SDK1: variants seen among roughly 807,000 people sequenced by gnomAD.
SDK1 encodes the protein protein sidekick-1.
A neutral mutation model predicts 245.5 loss-of-function variants in SDK1; 157 were observed. That is an observed-to-expected ratio of 0.64 (90% CI 0.56 to 0.73). The LOEUF is 0.73. Among genes scored for constraint, SDK1 ranks in the 30% least tolerant of loss-of-function variants. The probability of loss-of-function intolerance (pLI) is 0.00; values close to 1 mark genes in which losing one functional copy is unlikely to be tolerated. For missense variants in SDK1, 3,583 were observed against 3,002.3 expected (o/e 1.19, Z -4.52); for synonymous variants, 1,647 against 1,278.5 (o/e 1.29, Z -6.15).
chr7:3,570,223 G>A (rs1396146135), intron 1 of SDK1, among the ~76,000 whole-genome samples: 1 of 152,122 alleles, frequency 6.6e-6, no homozygotes, highest in Non-Finnish European at 1.5e-5. Context: ...ACAGCCCAGT[G>A]GGCAGGGAGG....
At chr7:3,436,312 C>A (rs534458892) in intron 1 of SDK1, among the ~76,000 whole-genome samples, 1 of 151,800 alleles carries the variant, frequency 6.6e-6, no homozygotes, top group Non-Finnish European at 1.5e-5. Flanking sequence ...GGGATGATTA[C>A]GAAATAATTG....
At chr7:4,260,967 C>G (rs199514241) in intron 44 of SDK1, among the ~76,000 whole-genome samples, 1 of 152,236 alleles carries the variant, frequency 6.6e-6, no homozygotes, top group Non-Finnish European at 1.5e-5. Flanking sequence ...ATGGATTCAG[C>G]TGTTCTGTGT....
intron 1 of SDK1, among the ~76,000 whole-genome samples, chr7:3,406,598 A>T (rs1172684825): frequency 6.6e-6 from 1 of 152,180 alleles, no homozygotes; most frequent in African/African-American, 2.4e-5. Flanking sequence ...GTGAAACATC[A>T]TACTGAAAAC....
Position 3,723,580 on chromosome 7 carries a change from A to C in SDK1, c.713+81475A>C, listed in dbSNP as rs139887273. On this transcript the variant is annotated intron_variant, in intron 4 of 44. Coordinates refer to ENST00000404826, the MANE Select transcript of SDK1 (RefSeq NM_152744.4). ...ATGAACTTTCCATTATAAAACCTGAAATTAAAGTATATGTTGTTTTCTTTA... is the reference window on the plus strand; with the variant it reads ...ATGAACTTTCCATTATAAAACCTGACATTAAAGTATATGTTGTTTTCTTTA... 3.2e-3 allele frequency among the ~76,000 whole-genome samples: 494 copies of C among 152,148 alleles called. 4 individuals are homozygous for C. Among genetic ancestry groups the C allele is most frequent in the African/African-American group, 0.011 (471 of 41,446 alleles).
At chr7:3,940,230 T>C (rs1780306686) in intron 5 of SDK1, among the ~76,000 whole-genome samples, 1 of 152,218 alleles carries the variant, frequency 6.6e-6, no homozygotes, top group African/African-American at 2.4e-5. Flanking sequence ...GAAACTGACC[T>C]ACAGAACTGA....
chr7:4,009,716 A>T (rs1470816681), intron 14 of SDK1, among the ~76,000 whole-genome samples: 1 of 152,254 alleles, frequency 6.6e-6, no homozygotes. Context: ...GCTTCAGAGC[A>T]GCTTAACTTT....
intron 1 of SDK1, among the ~76,000 whole-genome samples, chr7:3,342,039 A>G (rs1359493872): frequency 6.6e-6 from 1 of 152,228 alleles, no homozygotes; most frequent in African/African-American, 2.4e-5. Flanking sequence ...CCTTATAGTG[A>G]TAGTAATCAA....
chr7:4,092,284 G>A (rs1781856032), intron 22 of SDK1, among the ~76,000 whole-genome samples: 1 of 152,180 alleles, frequency 6.6e-6, no homozygotes, highest in African/African-American at 2.4e-5. Flanking sequence ...CTGTGGCTCT[G>A]TCCCAGCCTC....
rs573038833 is a variant in SDK1, at chr7:3,523,510, G to A, written c.299-95570G>A. Among the ~76,000 whole-genome samples the A allele has an allele frequency of 2.0e-5, 3 of 152,204 alleles. 1 individual carries two copies. The highest frequency in any genetic ancestry group is 2.1e-4 in the South Asian group (1 of 4,812). Reference sequence around the variant, plus strand: ...TTCTACCCCTCTCTGCCTGGTGAACGGCTGCTAATCTTTCAATGTTAGCTA... The same window carrying A: ...TTCTACCCCTCTCTGCCTGGTGAACAGCTGCTAATCTTTCAATGTTAGCTA... On this transcript the variant is annotated intron_variant, in intron 1 of 44. Coordinates refer to ENST00000404826, the MANE Select transcript of SDK1 (RefSeq NM_152744.4).
Position 4,021,953 on chromosome 7 carries a change from C to A in SDK1, c.2602+4601C>A, listed in dbSNP as rs972745892. Among the ~76,000 whole-genome samples the A allele has an allele frequency of 3.9e-5, 6 of 152,298 alleles. No homozygotes were observed. In the East Asian group the frequency reaches 7.7e-4, roughly 20 times the overall value. On this transcript the variant is annotated intron_variant, in intron 17 of 44. Transcript: ENST00000404826. ...TTCAGGCCATGACTTCCCACCCATC[C>A]CCTGAGGGCTCCTCAGCCTCAGGCC...
intron 4 of SDK1, chr7:3,643,520 A>C (rs1782720513): frequency 6.8e-6 from 1 of 146,532 alleles, no homozygotes; most frequent in African/African-American, 2.6e-5. Flanking sequence ...TCCTTCCGTA[A>C]ACCTCGTGAT....
At position 3,319,873 on chromosome 7, in the gene SDK1, T is replaced by G. The variant is rs375805953; in HGVS notation, c.298+17989T>G. ...CCATTTGCCTATATCTAACCCATTC[T>G]TAGTCTTTTTTTTTTTTTTTTTGCA... On this transcript the variant is annotated intron_variant, in intron 1 of 44. Coordinates refer to ENST00000404826, the MANE Select transcript of SDK1 (RefSeq NM_152744.4). Among the ~76,000 whole-genome samples the G allele has an allele frequency of 2.1e-3, 291 of 140,098 alleles. 4 individuals are homozygous for G. Among genetic ancestry groups the G allele is most frequent in the African/African-American group, 8.1e-3 (280 of 34,770 alleles). The allele number at this position is 140,098 out of a possible 152,430, so 91.9% of individuals were successfully genotyped here. A position where few individuals can be genotyped will look rare whatever the true frequency, so the allele number is the denominator to read the frequency against.
rs187907555 is a variant in SDK1, at chr7:3,632,585, C to G, written c.459-6419C>G. Reference sequence around the variant, plus strand: ...CCCACACAGGGACCTGTTTATTGCCCTTCTCAAGTTAATATGAATTTTGAA... The same window carrying G: ...CCCACACAGGGACCTGTTTATTGCCGTTCTCAAGTTAATATGAATTTTGAA... On this transcript the variant is annotated intron_variant, in intron 2 of 44. Coordinates refer to ENST00000404826, the MANE Select transcript of SDK1 (RefSeq NM_152744.4). Among the ~76,000 whole-genome samples the G allele has an allele frequency of 1.3e-4, 20 of 152,284 alleles. No homozygotes were observed. In the East Asian group the frequency reaches 1.5e-3, roughly 12 times the overall value.
intron 1 of SDK1, among the ~76,000 whole-genome samples, chr7:3,462,723 C>A (rs1340739793): frequency 1.3e-5 from 2 of 152,136 alleles, no homozygotes; most frequent in African/African-American, 2.4e-5. Context: ...TCAAACACCT[C>A]TGTGATCTCT....
intron 1 of SDK1, among the ~76,000 whole-genome samples, chr7:3,433,359 G>T (rs1314563068): frequency 6.6e-6 from 1 of 152,176 alleles, no homozygotes; most frequent in Non-Finnish European, 1.5e-5. Flanking sequence ...TTGAGAGGAG[G>T]GGTTGAAGTT....
chr7:3,834,812 G>A (rs1779994247), intron 5 of SDK1, among the ~76,000 whole-genome samples: 1 of 152,098 alleles, frequency 6.6e-6, no homozygotes, highest in African/African-American at 2.4e-5. Flanking sequence ...GTAAATACTT[G>A]TCCAGTGAGT....
chr7:3,374,606 T>G (rs1051525123), intron 1 of SDK1, among the ~76,000 whole-genome samples: 1 of 152,048 alleles, frequency 6.6e-6, no homozygotes, highest in African/African-American at 2.4e-5. Context: ...TTTTTTCCAG[T>G]GCTTTGAATA....
At chr7:3,458,648 A>C (rs1170097958) in intron 1 of SDK1, among the ~76,000 whole-genome samples, 1 of 152,128 alleles carries the variant, frequency 6.6e-6, no homozygotes, top group Non-Finnish European at 1.5e-5. Context: ...AGTAGGAGGT[A>C]GATAGAGGTC....
At chr7:3,401,011 A>G (rs187858179) in intron 1 of SDK1, among the ~76,000 whole-genome samples, 4 of 152,124 alleles carry the variant, frequency 2.6e-5, no homozygotes, top group African/African-American at 9.7e-5. Context: ...CCAGTTCGAG[A>G]TGAGTAGTCA....
Sources: allele counts gnomAD v4.1 joint callset (sites outside exome capture counted in the v4.1 genomes callset), GRCh38; gene constraint gnomAD v4.1.1; transcripts MANE v1.5; gene names NCBI Gene and HGNC (gene_info 2026-07-23, HGNC 2026-07-21).